NFAT5: variants seen among roughly 807,000 people sequenced by gnomAD.
The protein encoded by NFAT5 is nuclear factor of activated T cells 5.
NFAT5 carries 31 observed loss-of-function variants against 166.5 expected under a neutral mutation model. The ratio of observed to expected loss-of-function variants is 0.19; its 90% CI spans 0.14 to 0.25. NFAT5 has a LOEUF of 0.25. Ranked by LOEUF, NFAT5 falls within the 10% of genes least tolerant of loss-of-function variation. The pLI, the probability that NFAT5 is intolerant of heterozygous loss-of-function variation, is 1.00. For synonymous variants in NFAT5, 612 were observed against 639.7 expected (o/e 0.96, Z 0.65); for missense variants, 1,449 against 1,821.8 (o/e 0.80, Z 3.72).
In NFAT5 at chr16:69,566,401, GTGGGGGCGGGGAGACA is replaced by G; in HGVS notation, c.73+28_73+43del. 3.5e-6 allele frequency: 5 copies of G among 1,433,636 alleles called. No homozygotes were observed. Among genetic ancestry groups the G allele is most frequent in the Non-Finnish European group, 4.8e-6 (5 of 1,035,344 alleles). 88.8% of individuals were successfully genotyped at this position (1,433,636 alleles called of 1,614,324 possible). On this transcript the variant is annotated intron_variant, in intron 1 of 14. Coordinates refer to ENST00000349945, the MANE Select transcript of NFAT5 (RefSeq NM_138713.4). This position sits in a 1 kb window ranked among gnomAD's most constrained non-coding sequence, Gnocchi z 5.7. Reference sequence around the variant, plus strand: ...TGAGTCAGGCTGTGGGGGGTGGGGCGTGGGGGCGGGGAGACAGGGAGACAGGGAGACAGGGCCAGGG... The same window carrying G: ...TGAGTCAGGCTGTGGGGGGTGGGGCGGGGAGACAGGGAGACAGGGCCAGGG...
At position 69,697,633 on chromosome 16, in the gene NFAT5, A is replaced by T. The variant is rs1161010789; in HGVS notation, c.*1282A>T. 6.6e-6 allele frequency: 1 copy of T among 152,650 alleles called. No individual in the cohort carries two copies. Among genetic ancestry groups the T allele is most frequent in the African/African-American group, 2.4e-5 (1 of 41,456 alleles). The allele number at this position is 152,650 out of a possible 1,614,324, so 9.5% of individuals were successfully genotyped here. On this transcript the variant is annotated 3_prime_UTR_variant, in exon 15 of 15. Transcript: ENST00000349945. ...TATCATTGACTTAAAATGAAGAATTAACTTGTGTTACATCTATAAAGAGCA... is the reference window on the plus strand; with the variant it reads ...TATCATTGACTTAAAATGAAGAATTTACTTGTGTTACATCTATAAAGAGCA...
intron 11 of NFAT5, among the ~76,000 whole-genome samples, chr16:69,688,536 C>CT (rs200179147): frequency 0.038 from 5,773 of 151,606 alleles, 147 homozygotes; most frequent in Non-Finnish European, 0.052. Flanking sequence ...TTTATTTTTA[C>CT]TTTTTTTGTA....
chr16:69,653,541 A>T (rs958027219), intron 5 of NFAT5, 113 bp downstream of exon 5: 8 of 651,304 alleles, frequency 1.2e-5, no homozygotes, highest in Admixed American at 4.0e-5. Context: ...CATATTTGAT[A>T]TTTGAATTAG....
chr16:69,612,228 G>A (rs370252353), intron 2 of NFAT5, among the ~76,000 whole-genome samples: 1 of 152,056 alleles, frequency 6.6e-6, no homozygotes, highest in Non-Finnish European at 1.5e-5. Context: ...GCGTACTGCC[G>A]AACCTTAGTC....
intron 2 of NFAT5, among the ~76,000 whole-genome samples, chr16:69,597,022 G>A (rs2032836182): frequency 6.6e-6 from 1 of 152,130 alleles, no homozygotes; most frequent in Admixed American, 6.5e-5. Context: ...ATCAAAATCA[G>A]TCCTGAAGTC....
rs117818749 is a variant in NFAT5 at position 69,599,980 on chromosome 16, A to G, written c.128-26423A>G. Among the ~76,000 whole-genome samples, 1,507 of 152,328 alleles carry G rather than the reference A, an allele frequency of 9.9e-3. 21 individuals are homozygous for G. The highest frequency in any genetic ancestry group is 0.02 in the Middle Eastern group (6 of 294). On this transcript the variant is annotated intron_variant, in intron 2 of 14. Transcript: ENST00000349945. The stretch of plus-strand genomic sequence containing the variant: ...AGGTTTTTAATGAATTATTCTGGCT[A>G]CAGTGTAGATAATAAAGTGTAAGAG...
rs2037604427 is a variant in NFAT5 at position 69,692,858 on chromosome 16, T to G, written c.3033T>G (p.Thr1011=). ...CAAGTTCAGGAGATGGAGAAGAAAC[T>G]GGAACACAAGCAAAACAGATTCAGA... ...QTSSSGDGEE[T]GTQAKQIQNS... is the part of the protein sequence containing the mutation. The change falls in exon 13 of 15, where the codon ACT becomes ACG. Residue 1011 remains threonine (T), a synonymous_variant. Transcript: ENST00000349945. 1.2e-6 allele frequency: 2 copies of G among 1,614,230 alleles called. No individual in the cohort carries two copies. Among genetic ancestry groups the G allele is most frequent in the Non-Finnish European group, 1.7e-6 (2 of 1,180,048 alleles).
At chr16:69,636,524 A>T (rs1448121326) in intron 3 of NFAT5, among the ~76,000 whole-genome samples, 1 of 152,186 alleles carries the variant, frequency 6.6e-6, no homozygotes, top group African/African-American at 2.4e-5. Flanking sequence ...CAGGGCATCC[A>T]GGGGTTTCCA....
intron 3 of NFAT5, among the ~76,000 whole-genome samples, chr16:69,632,935 C>T (rs762231504): frequency 3.3e-5 from 5 of 152,266 alleles, no homozygotes; most frequent in Non-Finnish European, 7.4e-5. Flanking sequence ...AAAATCTCTA[C>T]TCCTCCTTCT....
intron 2 of NFAT5, among the ~76,000 whole-genome samples, chr16:69,605,063 C>G (rs1409742143): frequency 6.6e-6 from 1 of 152,070 alleles, no homozygotes; most frequent in Non-Finnish European, 1.5e-5. Context: ...ATTTTTAATT[C>G]TTTTAAGTAT....
chr16:69,650,302 A>G (rs2151627175), intron 4 of NFAT5, among the ~76,000 whole-genome samples: 1 of 152,202 alleles, frequency 6.6e-6, no homozygotes, highest in East Asian at 1.9e-4. Flanking sequence ...TTCTTAAGCC[A>G]TCATGCCTTA....
intron 2 of NFAT5, among the ~76,000 whole-genome samples, chr16:69,575,678 T>TA (rs11299832): frequency 1.3e-5 from 2 of 151,542 alleles, no homozygotes; most frequent in Non-Finnish European, 2.9e-5. Flanking sequence ...TTAGTTTTAA[T>TA]AAAAAAAACT....
At chr16:69,654,305 A>G (rs914641713) in intron 5 of NFAT5, among the ~76,000 whole-genome samples, 3 of 152,190 alleles carry the variant, frequency 2.0e-5, no homozygotes, top group African/African-American at 7.2e-5. Flanking sequence ...TTAAGTTAGG[A>G]GTAGAGGTGG....
intron 3 of NFAT5, among the ~76,000 whole-genome samples, chr16:69,638,472 G>A (rs751063512): frequency 3.9e-5 from 6 of 152,010 alleles, no homozygotes; most frequent in Non-Finnish European, 7.4e-5. Context: ...GGTGGCTCAC[G>A]CCTGTAATCC....
chr16:69,612,132 G>GT (rs2033731381), intron 2 of NFAT5, among the ~76,000 whole-genome samples: 1 of 152,154 alleles, frequency 6.6e-6, no homozygotes, highest in Admixed American at 6.5e-5. Flanking sequence ...CTTGAAGCTT[G>GT]TTTTACAACT....
At chr16:69,575,156 TG>T (rs1442112779) in intron 2 of NFAT5, among the ~76,000 whole-genome samples, 1 of 152,158 alleles carries the variant, frequency 6.6e-6, no homozygotes, top group Admixed American at 6.5e-5. Flanking sequence ...GCTAAGTTGT[TG>T]ATTATGCTTA....
chr16:69,585,380 A>G (rs1305684659), intron 2 of NFAT5, among the ~76,000 whole-genome samples: 3 of 151,968 alleles, frequency 2.0e-5, no homozygotes, highest in African/African-American at 7.3e-5. Flanking sequence ...TGCTGGTGGT[A>G]ATGTAAAATG....
At chr16:69,683,180 C>T (rs992714901) in intron 10 of NFAT5, among the ~76,000 whole-genome samples, 7 of 152,058 alleles carry the variant, frequency 4.6e-5, no homozygotes, top group Non-Finnish European at 8.8e-5. Context: ...CACTGCACTC[C>T]AGCCTGGGCA....
At chr16:69,656,512 T>C (rs1391041811) in intron 6 of NFAT5, among the ~76,000 whole-genome samples, 1 of 151,296 alleles carries the variant, frequency 6.6e-6, no homozygotes, top group Non-Finnish European at 1.5e-5. Context: ...AGTGCAGTGG[T>C]GCTATCTCTG....
Sources: allele counts gnomAD v4.1 joint callset (sites outside exome capture counted in the v4.1 genomes callset), GRCh38; gene constraint gnomAD v4.1.1; non-coding constraint Gnocchi (gnomAD v3.1); transcripts MANE v1.5; gene names NCBI Gene and HGNC (gene_info 2026-07-23, HGNC 2026-07-21).